Variants in TRAPPC9 observed in about 807,000 individuals in gnomAD.
TRAPPC9 encodes trafficking protein particle complex subunit 9, also known as IKK2 binding protein.
A neutral mutation model predicts 124.0 loss-of-function variants in TRAPPC9; 83 were observed. That is an observed-to-expected ratio of 0.67 (90% CI 0.56 to 0.80). The LOEUF is 0.80. Among genes scored for constraint, TRAPPC9 ranks in the 30% least tolerant of loss-of-function variants. The probability of loss-of-function intolerance (pLI) is 0.00; values close to 1 mark genes in which losing one functional copy is unlikely to be tolerated. For synonymous variants in TRAPPC9, 638 were observed against 617.5 expected (o/e 1.03, Z -0.49); for missense variants, 1,302 against 1,508.3 (o/e 0.86, Z 2.27).
intron 2 of TRAPPC9, among the ~76,000 whole-genome samples, chr8:140,448,145 CAAAAAAAA>C (rs56941791): frequency 3.3e-5 from 3 of 90,084 alleles, no homozygotes; most frequent in East Asian, 3.5e-4. Context: ...GACACCATCT[CAAAAAAAA>C]AAAAAAAAAA....
At chr8:139,979,296 A>G (rs1836718548) in intron 19 of TRAPPC9, among the ~76,000 whole-genome samples, 1 of 152,092 alleles carries the variant, frequency 6.6e-6, no homozygotes, top group South Asian at 2.1e-4. Context: ...CTGCCCCAGG[A>G]AGGAGGGGTC....
At chr8:139,957,797 C>T (rs1297370860) in intron 19 of TRAPPC9, among the ~76,000 whole-genome samples, 2 of 152,198 alleles carry the variant, frequency 1.3e-5, no homozygotes, top group Non-Finnish European at 1.5e-5. Flanking sequence ...CCCCTCGGGC[C>T]GAGCCATCAG....
At position 140,352,528 on chromosome 8, in the gene TRAPPC9, A is replaced by G. The variant is rs558622409; in HGVS notation, c.1495+7522T>C. ...ATCCACACTTTCAAGGGCGAGGTGG[A>G]GAGGCCACCTTCCCAACACCTTAGG... is the stretch of plus-strand genomic sequence containing the variant. On this transcript the variant is annotated intron_variant, in intron 9 of 22. Coordinates refer to ENST00000438773, the MANE Select transcript of TRAPPC9 (RefSeq NM_001160372.4). Among the ~76,000 whole-genome samples, 288 of 152,296 alleles carry G rather than the reference A, an allele frequency of 1.9e-3. 1 individual carries two copies. The highest frequency in any genetic ancestry group is 6.7e-3 in the African/African-American group (277 of 41,558).
chr8:140,321,345 T>C (rs888841713), intron 9 of TRAPPC9, among the ~76,000 whole-genome samples: 1 of 152,214 alleles, frequency 6.6e-6, no homozygotes, highest in African/African-American at 2.4e-5. Context: ...CTTGTTCCCA[T>C]TCAGCTCCGC....
rs569694068 is a variant in TRAPPC9, at chr8:139,909,417, C to T, written c.2964+730G>A. Among the ~76,000 whole-genome samples the T allele has an allele frequency of 7.9e-5, 12 of 152,312 alleles. No homozygotes were observed. In the South Asian group the frequency reaches 2.3e-3, roughly 29 times the overall value. Reference sequence around the variant, plus strand: ...AGCACTCGGCAGGGTGCTCTGCCTTCGCTCCCCAACAGTGCTCAATTCCCA... The same window carrying T: ...AGCACTCGGCAGGGTGCTCTGCCTTTGCTCCCCAACAGTGCTCAATTCCCA... On this transcript the variant is annotated intron_variant, in intron 20 of 22. Coordinates refer to ENST00000438773, the MANE Select transcript of TRAPPC9 (RefSeq NM_001160372.4).
In TRAPPC9 at chr8:140,427,869, G is replaced by GT. The variant is rs563165549; in HGVS notation, c.860-1229dup. Among the ~76,000 whole-genome samples the GT allele has an allele frequency of 5.8e-4, 89 of 152,230 alleles. No homozygotes were observed. In the East Asian group the frequency reaches 0.016, roughly 28 times the overall value. On this transcript the variant is annotated intron_variant, in intron 4 of 22. Coordinates refer to ENST00000438773, the MANE Select transcript of TRAPPC9 (RefSeq NM_001160372.4). The stretch of plus-strand genomic sequence containing the variant: ...GCCACCATTAAAATAAAAAACAGGT[G>GT]TTTTCCATTGAATAACACCTTTCTG...
chr8:140,357,382 TCAC>T (rs2067785338), intron 9 of TRAPPC9, among the ~76,000 whole-genome samples: 1 of 152,014 alleles, frequency 6.6e-6, no homozygotes, highest in Non-Finnish European at 1.5e-5. Context: ...CAGGGCCGTG[TCAC>T]CACAACTCAC....
intron 17 of TRAPPC9, among the ~76,000 whole-genome samples, chr8:140,092,515 A>G (rs1024332273): frequency 2.1e-4 from 32 of 152,190 alleles, no homozygotes; most frequent in Middle Eastern, 3.2e-3. Flanking sequence ...TAGAGCATCT[A>G]AAATATATAT....
intron 9 of TRAPPC9, among the ~76,000 whole-genome samples, chr8:140,344,156 C>T (rs1429187228): frequency 6.6e-6 from 1 of 152,096 alleles, no homozygotes; most frequent in African/African-American, 2.4e-5. Flanking sequence ...AAAGGAGATC[C>T]CAGAGAGCTC....
intron 17 of TRAPPC9, among the ~76,000 whole-genome samples, chr8:140,207,033 G>A (rs1268289558): frequency 3.9e-5 from 6 of 152,162 alleles, no homozygotes; most frequent in Admixed American, 6.5e-5. Flanking sequence ...CAACGACTCC[G>A]CCCAGTGATG....
At position 139,776,467 on chromosome 8, in the gene TRAPPC9, G is replaced by A. The variant is rs1349333795; in HGVS notation, c.3056-44265C>T. Among the ~76,000 whole-genome samples the A allele has an allele frequency of 2.0e-5, 3 of 152,214 alleles. No homozygotes were observed. Among genetic ancestry groups the A allele is most frequent in the Non-Finnish European group, 2.9e-5 (2 of 68,036 alleles). ...TGCTCATCACCCAGGGGTTAGCGTCGCTTGTTTACACAGGTGATGCATCTC... is the reference window on the plus strand; with the variant it reads ...TGCTCATCACCCAGGGGTTAGCGTCACTTGTTTACACAGGTGATGCATCTC... On this transcript the variant is annotated intron_variant, in intron 21 of 22. Coordinates refer to ENST00000438773, the MANE Select transcript of TRAPPC9 (RefSeq NM_001160372.4). The surrounding 1 kb of genome is among the most constrained non-coding windows in gnomAD (Gnocchi z 4.1).
At chr8:140,219,112 C>T (rs1269202642) in intron 17 of TRAPPC9, among the ~76,000 whole-genome samples, 1 of 152,150 alleles carries the variant, frequency 6.6e-6, no homozygotes, top group Non-Finnish European at 1.5e-5. Flanking sequence ...AATGAAAGAG[C>T]ACAGAAGGCC....
intron 17 of TRAPPC9, among the ~76,000 whole-genome samples, chr8:140,085,766 T>C (rs1165582483): frequency 1.3e-5 from 2 of 152,234 alleles, no homozygotes; most frequent in Non-Finnish European, 2.9e-5. Context: ...GCCTCTGCTG[T>C]GGGTAATCGT....
At chr8:140,191,036 G>A (rs939881434) in intron 17 of TRAPPC9, among the ~76,000 whole-genome samples, 7 of 152,140 alleles carry the variant, frequency 4.6e-5, no homozygotes, top group African/African-American at 1.7e-4. Flanking sequence ...TCTCGGAGAG[G>A]CCAGATTAGG....
rs141575833 is a variant in TRAPPC9, at chr8:139,751,574, T to C, written c.3056-19372A>G. ...AGGTTCTTAGTTAGGGTGACGGATA[T>C]AGCTCTATCTGCCTAGGTATCTGGA... On this transcript the variant is annotated intron_variant, in intron 21 of 22. Coordinates refer to ENST00000438773, the MANE Select transcript of TRAPPC9 (RefSeq NM_001160372.4). Among the ~76,000 whole-genome samples, 738 of 152,254 alleles carry C rather than the reference T, an allele frequency of 4.8e-3. 4 individuals are homozygous for C. The highest frequency in any genetic ancestry group is 0.01 in the Middle Eastern group (3 of 294).
chr8:140,291,353 GT>G, intron 11 of TRAPPC9: 1 of 511,216 alleles, frequency 2.0e-6, no homozygotes, highest in Non-Finnish European at 3.6e-6. Context: ...AGATGGCACT[GT>G]TCTTGGTACA....
intron 17 of TRAPPC9, among the ~76,000 whole-genome samples, chr8:140,212,096 G>C (rs770611658): frequency 4.6e-5 from 7 of 152,214 alleles, no homozygotes; most frequent in Non-Finnish European, 1.0e-4. Flanking sequence ...GCCCAGCCAA[G>C]CAAAGAGCCT....
chr8:140,235,724 C>T (rs929996260), intron 16 of TRAPPC9, among the ~76,000 whole-genome samples: 6 of 152,192 alleles, frequency 3.9e-5, no homozygotes, highest in African/African-American at 1.4e-4. Context: ...CTTTGAAAAT[C>T]TGTTTGGCTA....
intron 20 of TRAPPC9, chr8:139,904,792 A>G (rs1377296183): frequency 6.6e-6 from 1 of 152,264 alleles, no homozygotes; most frequent in Non-Finnish European, 1.5e-5. Flanking sequence ...CCGTCACACC[A>G]GCTGCACAGA....
Sources: allele counts gnomAD v4.1 joint callset (sites outside exome capture counted in the v4.1 genomes callset), GRCh38; gene constraint gnomAD v4.1.1; non-coding constraint Gnocchi (gnomAD v3.1); transcripts MANE v1.5; gene names NCBI Gene and HGNC (gene_info 2026-07-23, HGNC 2026-07-21).